The following KCNH7 variants were observed in gnomAD, a reference collection of about 807,000 sequenced individuals.
The protein encoded by KCNH7 is voltage-gated inwardly rectifying potassium channel KCNH7.
KCNH7 carries 49 observed loss-of-function variants against 120.8 expected under a neutral mutation model. The ratio of observed to expected loss-of-function variants is 0.41; its 90% CI spans 0.32 to 0.51. KCNH7 has a LOEUF of 0.51. Ranked by LOEUF, KCNH7 falls within the 20% of genes least tolerant of loss-of-function variation. The pLI is 0.38. For missense variants in KCNH7, 1,097 were observed against 1,446.6 expected, an observed-to-expected ratio of 0.76 and a Z score of 3.92; for synonymous variants, 547 against 516.1, an observed-to-expected ratio of 1.06 and a Z score of -0.81.
At chr2:162,601,588 A>G (rs1356022873) in intron 2 of KCNH7, among the ~76,000 whole-genome samples, 3 of 151,892 alleles carry the variant, frequency 2.0e-5, no homozygotes, top group Non-Finnish European at 4.4e-5. Flanking sequence ...TATCAATGGT[A>G]AAGTTAATTG....
At chr2:162,745,806 T>C (rs1050180957) in intron 2 of KCNH7, among the ~76,000 whole-genome samples, 8 of 152,106 alleles carry the variant, frequency 5.3e-5, no homozygotes, top group Non-Finnish European at 7.4e-5. Flanking sequence ...CAATTCTATA[T>C]GTCTTAGATT....
chr2:162,570,107 T>C (rs965037147), intron 2 of KCNH7, among the ~76,000 whole-genome samples: 2 of 148,656 alleles, frequency 1.3e-5, no homozygotes, highest in Non-Finnish European at 3.0e-5. Flanking sequence ...GTCTCGTTGA[T>C]CTGTCTAATG....
At chr2:162,675,857 G>A (rs1685515090) in intron 2 of KCNH7, among the ~76,000 whole-genome samples, 1 of 151,212 alleles carries the variant, frequency 6.6e-6, no homozygotes, top group Admixed American at 6.6e-5. Flanking sequence ...CAAAAAATAA[G>A]CAAAATTTTG....
At chr2:162,453,994 A>G (rs1356632658) in intron 6 of KCNH7, among the ~76,000 whole-genome samples, 1 of 152,068 alleles carries the variant, frequency 6.6e-6, no homozygotes, top group Non-Finnish European at 1.5e-5. Context: ...TTTTGTTGCA[A>G]TTGCTTTTGG....
At chr2:162,453,794 C>T (rs1345448031) in intron 6 of KCNH7, among the ~76,000 whole-genome samples, 2 of 152,098 alleles carry the variant, frequency 1.3e-5, no homozygotes, top group African/African-American at 2.4e-5. Flanking sequence ...CCTTCACCCA[C>T]TTTTTGATGG....
intron 2 of KCNH7, among the ~76,000 whole-genome samples, chr2:162,591,755 CTTATT>C (rs2105934523): frequency 6.6e-6 from 1 of 152,116 alleles, no homozygotes; most frequent in Admixed American, 6.6e-5. Context: ...GAAATATGTT[CTTATT>C]TTAGAAGTAG....
chr2:162,668,723 C>T (rs1489469413), intron 2 of KCNH7, among the ~76,000 whole-genome samples: 1 of 151,864 alleles, frequency 6.6e-6, no homozygotes, highest in African/African-American at 2.4e-5. Context: ...GAATGAAAGG[C>T]AGTAGGAAAA....
chr2:162,748,474 T>C (rs1688392601), intron 2 of KCNH7, among the ~76,000 whole-genome samples: 1 of 152,168 alleles, frequency 6.6e-6, no homozygotes, highest in Admixed American at 6.5e-5. Flanking sequence ...TTTTTGTGTG[T>C]GTACATGTGG....
At chr2:162,376,368 G>GTT (rs554245457) in intron 14 of KCNH7, among the ~76,000 whole-genome samples, 16 of 135,646 alleles carry the variant, frequency 1.2e-4, no homozygotes, top group Non-Finnish European at 1.1e-4. Context: ...AGTGTGGTTT[G>GTT]TTTTTTTTTT....
chr2:162,423,595 T>C, intron 8 of KCNH7, 60 bp from the exon 9 acceptor site: 1 of 1,432,022 alleles, frequency 7.0e-7, no homozygotes, highest in Non-Finnish European at 9.7e-7. Context: ...TTATATATTG[T>C]TAGAGTATCA....
At chr2:162,824,496 A>G (rs929064439) in intron 2 of KCNH7, among the ~76,000 whole-genome samples, 1 of 152,108 alleles carries the variant, frequency 6.6e-6, no homozygotes, top group Non-Finnish European at 1.5e-5. Context: ...TATAAAGAAC[A>G]CCTGGAGGGA....
intron 7 of KCNH7, 145 bp from the exon 8 acceptor site, chr2:162,435,742 T>C (rs1421400754): frequency 6.5e-6 from 5 of 772,398 alleles, no homozygotes; most frequent in Non-Finnish European, 7.8e-6. Context: ...TAAACTTGGT[T>C]CTTTTTTTTT....
intron 2 of KCNH7, among the ~76,000 whole-genome samples, chr2:162,631,634 GT>G (rs1303632614): frequency 6.6e-6 from 1 of 151,974 alleles, no homozygotes; most frequent in East Asian, 1.9e-4. Flanking sequence ...TTTTATCTGA[GT>G]TGGTAAATAT....
rs530941576 is a variant in KCNH7, at chr2:162,440,097, A to G, written c.1555-4500T>C. Among the ~76,000 whole-genome samples the G allele has an allele frequency of 2.0e-5, 3 of 151,856 alleles. No individual in the cohort carries two copies. The South Asian group carries it at 6.2e-4, about 31-fold the overall frequency. On this transcript the variant is annotated intron_variant, in intron 7 of 15. Coordinates refer to ENST00000332142, the MANE Select transcript of KCNH7 (RefSeq NM_033272.4). ...ATTAATAAGAAAAAATATTTTGTTC[A>G]AAAATATTAAAAAATTTTTGAAAAA...
chr2:162,680,278 C>A (rs1180636171), intron 2 of KCNH7, among the ~76,000 whole-genome samples: 1 of 151,496 alleles, frequency 6.6e-6, no homozygotes, highest in East Asian at 1.9e-4. Flanking sequence ...GAAGAGAAGG[C>A]AGGGAAGACA....
intron 2 of KCNH7, among the ~76,000 whole-genome samples, chr2:162,657,222 T>C (rs1319628786): frequency 6.6e-6 from 1 of 152,190 alleles, no homozygotes; most frequent in East Asian, 1.9e-4. Context: ...CTTTACAAGT[T>C]TTGAAAAGCT....
intron 2 of KCNH7, among the ~76,000 whole-genome samples, chr2:162,604,351 TA>T (rs1185610442): frequency 6.6e-6 from 1 of 152,106 alleles, no homozygotes; most frequent in Non-Finnish European, 1.5e-5. Flanking sequence ...TGAGGAGTTC[TA>T]AAATTAAAAA....
chr2:162,688,974 C>T (rs1169144556), intron 2 of KCNH7, among the ~76,000 whole-genome samples: 3 of 151,834 alleles, frequency 2.0e-5, no homozygotes, highest in Non-Finnish European at 4.4e-5. Context: ...CACTTATTTC[C>T]CCCTACCTTG....
chr2:162,634,122 C>T (rs1325201488), intron 2 of KCNH7, among the ~76,000 whole-genome samples: 1 of 152,036 alleles, frequency 6.6e-6, no homozygotes, highest in Non-Finnish European at 1.5e-5. Context: ...CTACTCATAG[C>T]TGTTACTCAT....
Sources: gnomAD v4.1 joint callset for allele counts (sites outside exome capture counted in the v4.1 genomes callset) on GRCh38, gnomAD v4.1.1 for gene constraint, MANE v1.5 for transcripts, NCBI Gene and HGNC (gene_info 2026-07-23, HGNC 2026-07-21) for gene names.